The following LANCL2 variants were observed in gnomAD, a reference collection of about 807,000 sequenced individuals.
LANCL2 encodes the protein LanC like glutathione S-transferase 2.
Under a neutral mutation model 56.9 loss-of-function variants are expected in LANCL2, and 33 were observed. That is an observed-to-expected ratio of 0.58 (90% CI 0.44 to 0.78). The LOEUF (loss-of-function observed/expected upper bound fraction) is 0.78, where lower values mean the gene tolerates loss of function less well. Ranked by LOEUF, LANCL2 falls within the 30% of genes least tolerant of loss-of-function variation. The pLI is 0.00. For missense variants in LANCL2, 562 were observed against 580.2 expected (o/e 0.97, Z 0.32); for synonymous variants, 233 against 228.2 (o/e 1.02, Z -0.19).
chr7:55,366,191 A>G lies in LANCL2; in HGVS notation c.166A>G (p.Thr56Ala), dbSNP rs2272263. ...ETGCVRPPAT[T>A]DEPGLPFHQD... ...AGGCTGTGTTCGTCCCCCGGCGACC[A>G]CGGATGAGCCCGGCCTCCCTTTTCA... Residue 56 changes from threonine (T) to alanine (A), a missense_variant, in exon 1 of 9, where the codon ACG (threonine) becomes GCG (alanine). By Grantham distance (58) the Thr-to-Ala change is moderately conservative. Transcript: ENST00000254770. 1 of 1,546,564 alleles carries G rather than the reference A, an allele frequency of 6.5e-7. No homozygotes were observed. Among genetic ancestry groups the G allele is most frequent in the South Asian group, 1.2e-5 (1 of 83,826 alleles).
Position 55,412,035 on chromosome 7 carries a change from G to T in LANCL2, c.954G>T (p.Val318=). 1 of 1,614,210 alleles carries T rather than the reference G, an allele frequency of 6.2e-7. No homozygotes were observed. The highest frequency in any genetic ancestry group is 1.7e-5 in the Admixed American group (1 of 60,024). The change falls in exon 6 of 9, where the codon GTG becomes GTT. Residue 318 remains valine, a synonymous_variant. Transcript: ENST00000254770. ...SSLSNETDRL[V]HWCHGAPGVI... ...TAAGCAATGAAACAGACCGGCTGGT[G>T]CACTGGTGCCACGGCGCCCCGGGGG...
At chr7:55,368,814 G>C (rs1042988481) in intron 1 of LANCL2, among the ~76,000 whole-genome samples, 5 of 152,086 alleles carry the variant, frequency 3.3e-5, no homozygotes, top group African/African-American at 9.7e-5. Context: ...ACTGGAATAT[G>C]ATGGGCCCCT....
At chr7:55,409,550 C>T (rs2128995004) in intron 5 of LANCL2, among the ~76,000 whole-genome samples, 1 of 152,178 alleles carries the variant, frequency 6.6e-6, no homozygotes, top group Admixed American at 6.5e-5. Flanking sequence ...TGGTGTCTAC[C>T]ACAACAAGGG....
chr7:55,405,219 T>A (rs1401101823), intron 5 of LANCL2, among the ~76,000 whole-genome samples: 2 of 152,176 alleles, frequency 1.3e-5, no homozygotes, highest in Non-Finnish European at 2.9e-5. Flanking sequence ...AGGAGGAGAC[T>A]GTTGCCCTGG....
At chr7:55,406,776 T>G (rs1790412498) in intron 5 of LANCL2, among the ~76,000 whole-genome samples, 1 of 152,190 alleles carries the variant, frequency 6.6e-6, no homozygotes, top group Non-Finnish European at 1.5e-5. Context: ...GTTCGCCTCT[T>G]GAAAATAATC....
At chr7:55,406,770 G>A (rs987466360) in intron 5 of LANCL2, among the ~76,000 whole-genome samples, 6 of 152,086 alleles carry the variant, frequency 3.9e-5, no homozygotes, top group African/African-American at 7.2e-5. Context: ...AAAACAGTTC[G>A]CCTCTTGAAA....
At position 55,398,969 on chromosome 7, in the gene LANCL2, A is replaced by C. The variant is rs189916365; in HGVS notation, c.530+339A>C. ...GTTCAACCCTTAAGTAACTGATTAG[A>C]TATGCTAATGATGGAACAATTAGGG... On this transcript the variant is annotated intron_variant, in intron 3 of 8. Transcript: ENST00000254770. Among the ~76,000 whole-genome samples the C allele has an allele frequency of 1.3e-5, 2 of 152,326 alleles. 1 individual carries two copies. The highest frequency in any genetic ancestry group is 1.3e-4 in the Admixed American group (2 of 15,298).
At chr7:55,421,020 G>A (rs1040929378) in intron 6 of LANCL2, among the ~76,000 whole-genome samples, 4 of 151,982 alleles carry the variant, frequency 2.6e-5, no homozygotes. Context: ...TCTTTATCTT[G>A]AAGTCTACTT....
chr7:55,371,917 G>A (rs1461047324), intron 1 of LANCL2, among the ~76,000 whole-genome samples: 1 of 152,124 alleles, frequency 6.6e-6, no homozygotes, highest in African/African-American at 2.4e-5. Context: ...AATTGTGTGT[G>A]TGTGTGTGTG....
intron 5 of LANCL2, among the ~76,000 whole-genome samples, chr7:55,404,609 TTC>T (rs1170134970): frequency 6.6e-6 from 1 of 152,016 alleles, no homozygotes. Flanking sequence ...TGAATTTTCT[TTC>T]TTTTTTTTTC....
intron 1 of LANCL2, among the ~76,000 whole-genome samples, chr7:55,374,388 T>A (rs1039233846): frequency 2.8e-4 from 42 of 152,366 alleles, no homozygotes; most frequent in African/African-American, 9.9e-4. Context: ...AATCTATGAC[T>A]ATTTTTAGCA....
intron 5 of LANCL2, among the ~76,000 whole-genome samples, chr7:55,408,979 CAAA>C (rs35907460): frequency 1.5e-4 from 17 of 116,098 alleles, no homozygotes; most frequent in Non-Finnish European, 1.8e-4. Context: ...AACTCTGTCT[CAAA>C]AAAAAAAAAA....
chr7:55,409,023 G>A (rs185689007), intron 5 of LANCL2, among the ~76,000 whole-genome samples: 1 of 149,270 alleles, frequency 6.7e-6, no homozygotes, highest in African/African-American at 2.4e-5. Context: ...TATGTACAAA[G>A]TCCAAAAATG....
At position 55,366,098 on chromosome 7, in the gene LANCL2, G is replaced by C; in HGVS notation, c.73G>C (p.Val25Leu). The change falls in exon 1 of 9, where the codon GTC (valine) becomes CTC (leucine). Residue 25 changes from valine to leucine, a missense_variant. Val to Leu is a conservative substitution (Grantham distance 32, BLOSUM62 1). This residue lies in a region of LANCL2 where 184 missense variants were observed against 111.8 expected (regional missense o/e 1.65). Coordinates refer to ENST00000254770, the MANE Select transcript of LANCL2 (RefSeq NM_018697.4). ...GEAEMEERAF[V>L]NPFPDYEAAA... ...GGCAGAAATGGAGGAACGGGCGTTC[G>C]TCAACCCCTTCCCGGACTACGAGGC... The C allele has an allele frequency of 1.3e-6, 2 of 1,539,280 alleles. No individual in the cohort carries two copies. The highest frequency in any genetic ancestry group is 2.5e-5 in the East Asian group (1 of 40,394).
At chr7:55,417,202 A>G (rs1464964712) in intron 6 of LANCL2, among the ~76,000 whole-genome samples, 1 of 151,636 alleles carries the variant, frequency 6.6e-6, no homozygotes, top group Non-Finnish European at 1.5e-5. Context: ...GATGGTCTCT[A>G]TCTCCTAACC....
At chr7:55,378,473 A>C (rs1333615502) in intron 1 of LANCL2, among the ~76,000 whole-genome samples, 1 of 152,082 alleles carries the variant, frequency 6.6e-6, no homozygotes, top group East Asian at 1.9e-4. Context: ...AAAAAAGGAA[A>C]AAGTGTGTGT....
At chr7:55,380,715 T>G (rs1050618648) in intron 1 of LANCL2, among the ~76,000 whole-genome samples, 3 of 151,632 alleles carry the variant, frequency 2.0e-5, no homozygotes, top group Non-Finnish European at 2.9e-5. Flanking sequence ...TTACAGTGTG[T>G]GATTGGAGGA....
At chr7:55,376,639 T>C (rs1484677582) in intron 1 of LANCL2, among the ~76,000 whole-genome samples, 1 of 152,248 alleles carries the variant, frequency 6.6e-6, no homozygotes, top group Non-Finnish European at 1.5e-5. Context: ...AACTCCTGAA[T>C]GCCTTCCACA....
chr7:55,401,331 A>G lies in LANCL2; in HGVS notation c.825+11A>G, dbSNP rs1261696240. 2.5e-6 allele frequency: 4 copies of G among 1,605,784 alleles called. No homozygotes were observed. Among genetic ancestry groups the G allele is most frequent in the East Asian group, 2.2e-5 (1 of 44,838 alleles). On this transcript the variant is annotated intron_variant, in intron 5 of 8. Coordinates refer to ENST00000254770, the MANE Select transcript of LANCL2 (RefSeq NM_018697.4). ...TATATGTTAATGCAGGTAGGTAAGA[A>G]TACTCTTACACACTACAGTATATTT...
Sources: allele counts gnomAD v4.1 joint callset (sites outside exome capture counted in the v4.1 genomes callset), GRCh38; gene constraint gnomAD v4.1.1; regional missense constraint gnomAD v4.1.1; transcripts MANE v1.5; gene names NCBI Gene and HGNC (gene_info 2026-07-23, HGNC 2026-07-21).